MPRIP: variants seen among roughly 807,000 people sequenced by gnomAD.
MPRIP encodes myosin phosphatase Rho-interacting protein.
A neutral mutation model predicts 234.9 loss-of-function variants in MPRIP; 59 were observed. The observed-to-expected ratio is 0.25, with a 90% CI of 0.20 to 0.31. The LOEUF (loss-of-function observed/expected upper bound fraction) is 0.31, where lower values mean the gene tolerates loss of function less well. Among genes scored for constraint, MPRIP ranks in the 10% least tolerant of loss-of-function variants. MPRIP has a pLI of 1.00. For synonymous variants in MPRIP, 1,144 were observed against 1,263.9 expected, an observed-to-expected ratio of 0.91 and a Z score of 2.01; for missense variants, 2,436 against 3,071.0, an observed-to-expected ratio of 0.79 and a Z score of 4.89.
chr17:17,171,798 G>A lies in MPRIP; in HGVS notation c.6405G>A (p.Arg2135=). 1 of 1,613,722 alleles carries A rather than the reference G, an allele frequency of 6.2e-7. No homozygotes were observed. Among genetic ancestry groups the A allele is most frequent in the Non-Finnish European group, 8.5e-7 (1 of 1,180,050 alleles). Residue 2135 remains arginine (R), a synonymous_variant, in exon 17 of 24, where the codon CGG becomes CGA. Coordinates refer to ENST00000651222, the MANE Select transcript of MPRIP (RefSeq NM_001364716.4). ...AAGATCTCCAGAGGCAGCACCAGCG[G>A]GAGCTAGAGAAACTTCGAGAAGAGA... The part of the protein sequence containing the change: ...KIEDLQRQHQ[R]ELEKLREEKD...
chr17:17,077,968 G>A, intron 2 of MPRIP, 43 bp from the exon 3 acceptor site: 1 of 1,608,578 alleles, frequency 6.2e-7, no homozygotes, highest in Non-Finnish European at 8.5e-7. Flanking sequence ...TCTGGGGCCA[G>A]GACCCAGATC....
intron 5 of MPRIP, among the ~76,000 whole-genome samples, chr17:17,133,632 C>T (rs1439723976): frequency 6.6e-6 from 1 of 152,256 alleles, no homozygotes; most frequent in South Asian, 2.1e-4. Flanking sequence ...GCCTGTTGTG[C>T]CCAGTAAGAA....
At chr17:17,143,706 C>T (rs1346776619) in intron 9 of MPRIP, 37 bp downstream of exon 9, 5 of 1,416,538 alleles carry the variant, frequency 3.5e-6, no homozygotes, top group Non-Finnish European at 4.9e-6. Context: ...AGGCCGTGCT[C>T]CTCTGCTTCT....
chr17:17,174,590 G>T (rs189027025), intron 19 of MPRIP, among the ~76,000 whole-genome samples: 1 of 152,206 alleles, frequency 6.6e-6, no homozygotes, highest in African/African-American at 2.4e-5. Context: ...TAATCCCAGC[G>T]CTTTGGGAGG....
At position 17,123,084 on chromosome 17, in the gene MPRIP, A is replaced by C. The variant is rs184704485; in HGVS notation, c.268-3618A>C. 3.3e-5 allele frequency among the ~76,000 whole-genome samples: 5 copies of C among 152,386 alleles called. No homozygotes were observed. In the East Asian group the frequency reaches 9.6e-4, roughly 29 times the overall value. On this transcript the variant is annotated intron_variant, in intron 3 of 23. Coordinates refer to ENST00000651222, the MANE Select transcript of MPRIP (RefSeq NM_001364716.4). ...CATGCTGCAATGCGGAGGAACCTTGAAAATATGCTAAATCCTTGAAAATAT... is the reference window on the plus strand; with the variant it reads ...CATGCTGCAATGCGGAGGAACCTTGCAAATATGCTAAATCCTTGAAAATAT...
In MPRIP at chr17:17,154,366, C is replaced by T; in HGVS notation, c.1780C>T (p.Gln594Ter). Residue 594 changes from glutamine (Q) to a stop codon, truncating the protein, a stop_gained, in exon 13 of 24, where the codon CAG becomes TAG. Transcript: ENST00000651222. LOFTEE classifies it high-confidence loss of function. ...ATCTGGGATTCGGCGGAACTGGATC[C>T]AGACCATCATGAAGCACGTGCACCC... The part of the protein sequence containing the change: ...MTSGIRRNWI[Q>*]TIMKHVHPTT... 1 of 1,614,180 alleles carries T rather than the reference C, an allele frequency of 6.2e-7. No homozygotes were observed. The highest frequency in any genetic ancestry group is 8.5e-7 in the Non-Finnish European group (1 of 1,180,030).
chr17:17,067,690 A>T (rs2089075809), intron 1 of MPRIP, among the ~76,000 whole-genome samples: 1 of 151,720 alleles, frequency 6.6e-6, no homozygotes, highest in Non-Finnish European at 1.5e-5. Context: ...TTTTTAAAAA[A>T]TTTTGGGGTT....
Position 17,191,540 on chromosome 17 carries a change from G to A in MPRIP, c.*6646G>A, listed in dbSNP as rs1450430923. On this transcript the variant is annotated 3_prime_UTR_variant, in exon 24 of 24. Transcript: ENST00000651222. Reference sequence around the variant, plus strand: ...CTTAAGAATTGGAGACTCCAGTAATGTAGGATGGCCTGAGAGGACGTCCAA... The same window carrying A: ...CTTAAGAATTGGAGACTCCAGTAATATAGGATGGCCTGAGAGGACGTCCAA... 1 of 152,246 alleles carries A rather than the reference G, an allele frequency of 6.6e-6. No homozygotes were observed. Among genetic ancestry groups the A allele is most frequent in the Non-Finnish European group, 1.5e-5 (1 of 68,044 alleles). 9.4% of individuals were successfully genotyped at this position (152,246 alleles called of 1,614,324 possible). A position where few individuals can be genotyped will look rare whatever the true frequency, so the allele number is the denominator to read the frequency against.
At chr17:17,090,785 G>A (rs2089697081) in intron 3 of MPRIP, among the ~76,000 whole-genome samples, 6 of 152,176 alleles carry the variant, frequency 3.9e-5, no homozygotes. Flanking sequence ...CGATCTGGGG[G>A]TTTTGCGTTG....
chr17:17,079,240 C>T (rs761785451), intron 3 of MPRIP, among the ~76,000 whole-genome samples: 2 of 152,184 alleles, frequency 1.3e-5, no homozygotes, highest in Non-Finnish European at 2.9e-5. Context: ...TCAACTGTCA[C>T]CTCACTGGTT....
Position 17,147,406 on chromosome 17 carries a change from C to T in MPRIP, c.1629+19C>T. The T allele has an allele frequency of 6.2e-7, 1 of 1,613,254 alleles. No individual in the cohort carries two copies. ...TGAGGAGGTGAGTGTCTGGGCTTTGCCTCTGCTGTGGAGACAGCTGGAGGG... is the reference window on the plus strand; with the variant it reads ...TGAGGAGGTGAGTGTCTGGGCTTTGTCTCTGCTGTGGAGACAGCTGGAGGG... On this transcript the variant is annotated intron_variant, in intron 11 of 23. Coordinates refer to ENST00000651222, the MANE Select transcript of MPRIP (RefSeq NM_001364716.4).
intron 16 of MPRIP, 196 bp downstream of exon 16, chr17:17,168,111 C>T: frequency 2.6e-6 from 1 of 386,554 alleles, no homozygotes; most frequent in South Asian, 2.1e-5. Flanking sequence ...CAGTGTCCTC[C>T]ACCAGGAGGA....
rs1319774675 is a variant in MPRIP at position 17,191,236 on chromosome 17, T to C, written c.*6342T>C. On this transcript the variant is annotated 3_prime_UTR_variant, in exon 24 of 24. Transcript: ENST00000651222. ...AAAATCAGGAAAATTAAGAAAATGA[T>C]GGTGCCATCTTGACCAGACTTCTGC... is the stretch of plus-strand genomic sequence containing the variant. 1 of 152,224 alleles carries C rather than the reference T, an allele frequency of 6.6e-6. No homozygotes were observed. Among genetic ancestry groups the C allele is most frequent in the African/African-American group, 2.4e-5 (1 of 41,450 alleles). The allele number at this position is 152,224 out of a possible 1,614,324, so 9.4% of individuals were successfully genotyped here.
At chr17:17,155,164 G>C (rs1288267672) in intron 13 of MPRIP, among the ~76,000 whole-genome samples, 1 of 152,094 alleles carries the variant, frequency 6.6e-6, no homozygotes, top group Non-Finnish European at 1.5e-5. Flanking sequence ...ATTACATCTC[G>C]AATGTGTTTC....
At chr17:17,090,085 G>A (rs2089680371) in intron 3 of MPRIP, among the ~76,000 whole-genome samples, 1 of 152,214 alleles carries the variant, frequency 6.6e-6, no homozygotes, top group Non-Finnish European at 1.5e-5. Flanking sequence ...GGGTCGTCTT[G>A]TTGGTGAGAC....
At chr17:17,111,912 C>T (rs913021813) in intron 3 of MPRIP, among the ~76,000 whole-genome samples, 3 of 152,148 alleles carry the variant, frequency 2.0e-5, no homozygotes, top group Non-Finnish European at 4.4e-5. Flanking sequence ...TGCTACCCAC[C>T]CTGGCATTTG....
At chr17:17,180,260 G>C (rs1338087289) in intron 23 of MPRIP, 172 bp downstream of exon 23, 1 of 627,992 alleles carries the variant, frequency 1.6e-6, no homozygotes, top group East Asian at 2.8e-5. Flanking sequence ...TTTGAGCTCT[G>C]TGTCTGTCTT....
At position 17,165,400 on chromosome 17, in the gene MPRIP, T is replaced by G. The variant is rs1469086317; in HGVS notation, c.3809T>G (p.Leu1270Arg). The change falls in exon 16 of 24, where the codon CTG becomes CGG. Residue 1270 changes from leucine (L) to arginine (R), a missense_variant. Around this residue, in one of 4 missense-constraint regions of MPRIP, gnomAD observed 1,998 missense variants for 2,520.3 expected, o/e 0.79. Transcript: ENST00000651222. ...HTRLEDEDED[L>R]GAPPGEEYGD... is the part of the protein sequence containing the mutation. Reference sequence around the variant, plus strand: ...AGGCTCGAGGATGAGGACGAGGACCTGGGGGCTCCTCCGGGGGAAGAGTAC... The same window carrying G: ...AGGCTCGAGGATGAGGACGAGGACCGGGGGGCTCCTCCGGGGGAAGAGTAC... The G allele has an allele frequency of 7.7e-7, 1 of 1,304,142 alleles. No homozygotes were observed. 80.8% of individuals were successfully genotyped at this position (1,304,142 alleles called of 1,614,324 possible).
chr17:17,140,693 C>T (rs1271776609), intron 7 of MPRIP, among the ~76,000 whole-genome samples: 6 of 152,166 alleles, frequency 3.9e-5, no homozygotes, highest in South Asian at 4.1e-4. Flanking sequence ...TGAACCTGAC[C>T]GGTTCTGGGC....
Sources: allele counts gnomAD v4.1 joint callset (sites outside exome capture counted in the v4.1 genomes callset), GRCh38; gene constraint gnomAD v4.1.1; regional missense constraint gnomAD v4.1.1; transcripts MANE v1.5; gene names NCBI Gene and HGNC (gene_info 2026-07-23, HGNC 2026-07-21).